The following OR10J1 variants were observed in gnomAD, a reference collection of about 807,000 sequenced individuals.
The protein encoded by OR10J1 is olfactory receptor family 10 subfamily J member 1, also known as olfactory receptor 10J1.
For missense variants in OR10J1, 474 were observed against 376.6 expected (o/e 1.26, Z -2.14); for synonymous variants, 202 against 143.8 (o/e 1.40, Z -2.89).
chr1:159,403,243 C>G, the OR10J1 span, among the ~76,000 whole-genome samples: 1 of 151,908 alleles, frequency 6.6e-6, no homozygotes, highest in Non-Finnish European at 1.5e-5. Context: ...CACAGGCAAC[C>G]AAATCAAAAG....
At chr1:159,428,713 T>G in the OR10J1 span, among the ~76,000 whole-genome samples, 2 of 152,170 alleles carry the variant, frequency 1.3e-5, no homozygotes, top group Non-Finnish European at 2.9e-5. Flanking sequence ...CTTAATAGCT[T>G]ATGAGCTCAA....
chr1:159,432,216 A>T, the OR10J1 span: 1 of 400,796 alleles, frequency 2.5e-6, no homozygotes, highest in Non-Finnish European at 4.4e-6. Context: ...GCCAAGGCCC[A>T]ATTTCATGGC....
upstream of OR10J1, among the ~76,000 whole-genome samples, chr1:159,439,196 G>A (rs971839299): frequency 2.0e-5 from 3 of 152,120 alleles, no homozygotes; most frequent in Non-Finnish European, 4.4e-5. Context: ...ATTCTTAAAG[G>A]ATGCGCAAGG....
At chr1:159,437,468 C>T (rs573979155), upstream of OR10J1, among the ~76,000 whole-genome samples, 83 of 152,030 alleles carry the variant, frequency 5.5e-4, no homozygotes, top group African/African-American at 2.0e-3. Flanking sequence ...ATATGGATTT[C>T]TAAGATACAT....
Position 159,440,417 on chromosome 1 carries a change from C to A in OR10J1, c.626C>A (p.Pro209His). The A allele has an allele frequency of 6.2e-7, 1 of 1,614,134 alleles. No homozygotes were observed. Among genetic ancestry groups the A allele is most frequent in the African/African-American group, 1.3e-5 (1 of 75,008 alleles). Residue 209 changes from proline to histidine, a missense_variant, in exon 1 of 1, where the codon CCT becomes CAT. By Grantham distance (77) the Pro-to-His change is moderately conservative (BLOSUM62 -2). Coordinates refer to ENST00000423932, the MANE Select transcript of OR10J1 (RefSeq NM_012351.3). ...ATCAGTGTGCTGGTGCTTGTTGTAC[C>A]TATGGGTCTGGTTTTCATTTCTTAT... is the stretch of plus-strand genomic sequence containing the variant. The part of the protein sequence containing the change: ...LIISVLVLVV[P>H]MGLVFISYVL...
chr1:159,402,622 A>T, the OR10J1 span, among the ~76,000 whole-genome samples: 56 of 152,238 alleles, frequency 3.7e-4, no homozygotes, highest in Middle Eastern at 3.4e-3. Context: ...GGACACCAAA[A>T]AAAGGAAAAA....
chr1:159,417,460 C>T, the OR10J1 span, among the ~76,000 whole-genome samples: 1 of 152,108 alleles, frequency 6.6e-6, no homozygotes, highest in Non-Finnish European at 1.5e-5. Context: ...TCATACTCTT[C>T]TCATAATAGT....
Position 159,440,603 on chromosome 1 carries a change from A to T in OR10J1, c.812A>T (p.Gln271Leu). 1 of 1,613,528 alleles carries T rather than the reference A, an allele frequency of 6.2e-7. No individual in the cohort carries two copies. The highest frequency in any genetic ancestry group is 8.5e-7 in the Non-Finnish European group (1 of 1,179,886). Residue 271 changes from glutamine (Q) to leucine (L), a missense_variant, in exon 1 of 1, where the codon CAG becomes CTG. By Grantham distance (113) the Gln-to-Leu change is moderately radical. Transcript: ENST00000423932. ...TCAGAGAACACCAGAGAACATGACC[A>T]GCTGATCTCGGTGACCTACACTGTC... ...PKSENTREHD[Q>L]LISVTYTVIT... is the part of the protein sequence containing the mutation.
chr1:159,435,110 A>G (rs1443073196), upstream of OR10J1, among the ~76,000 whole-genome samples: 1 of 152,164 alleles, frequency 6.6e-6, no homozygotes, highest in East Asian at 1.9e-4. Context: ...CTTATGTGGA[A>G]CTAGACCTAA....
chr1:159,432,943 A>T, upstream of OR10J1: 1 of 432,254 alleles, frequency 2.3e-6, no homozygotes, highest in East Asian at 3.3e-5. Context: ...CACACCTCAC[A>T]GTGGTCATTG....
chr1:159,432,212 G>T, the OR10J1 span: 1 of 400,730 alleles, frequency 2.5e-6, no homozygotes. Flanking sequence ...CAATGCCAAG[G>T]CCCAATTTCA....
the OR10J1 span, chr1:159,406,441 C>T: frequency 1.2e-5 from 4 of 334,940 alleles, no homozygotes; most frequent in South Asian, 6.0e-5. Context: ...TAACAGATTA[C>T]ACAGTTGTCT....
Position 159,440,706 on chromosome 1 carries a change from T to C in OR10J1, c.915T>C (p.Gly305=). The change falls in exon 1 of 1, where the codon GGT becomes GGC. Residue 305 remains glycine, a synonymous_variant. Coordinates refer to ENST00000423932, the MANE Select transcript of OR10J1 (RefSeq NM_012351.3). ...AAGATGCTCTGTGCAGGGCTGTTGG[T>C]GGGAAGTTTTCCTGACCATGTAGGA... The part of the protein sequence containing the change: ...EVKDALCRAV[G]GKFS 1 of 1,609,888 alleles carries C rather than the reference T, an allele frequency of 6.2e-7. No homozygotes were observed.
Position 159,439,820 on chromosome 1 carries a change from C to T in OR10J1, c.29C>T (p.Thr10Ile), listed in dbSNP as rs537452810. Residue 10 changes from threonine (T) to isoleucine (I), a missense_variant, in exon 1 of 1, where the codon ACT becomes ATT. Physicochemically the swap from Thr to Ile is moderately conservative, Grantham distance 89. Coordinates refer to ENST00000423932, the MANE Select transcript of OR10J1 (RefSeq NM_012351.3). MKRENFTLITDFVFQGFSSF... is the reference protein window; with the variant it reads MKRENFTLIIDFVFQGFSSF... ...AAAAGAGAGAACTTTACTCTCATCA[C>T]TGACTTTGTTTTCCAAGGTTTCTCT... 1 of 1,614,122 alleles carries T rather than the reference C, an allele frequency of 6.2e-7. No individual in the cohort carries two copies. Among genetic ancestry groups the T allele is most frequent in the African/African-American group, 1.3e-5 (1 of 75,050 alleles).
At chr1:159,426,308 G>A in the OR10J1 span, among the ~76,000 whole-genome samples, 2 of 151,742 alleles carry the variant, frequency 1.3e-5, no homozygotes, top group African/African-American at 4.8e-5. Flanking sequence ...TTTTTAAAAT[G>A]TATATTAAAA....
the OR10J1 span, among the ~76,000 whole-genome samples, chr1:159,425,261 A>G: frequency 1.3e-5 from 2 of 152,274 alleles, no homozygotes; most frequent in South Asian, 2.1e-4. Flanking sequence ...AAGCAGGGAA[A>G]CTAACACAGG....
the OR10J1 span, among the ~76,000 whole-genome samples, chr1:159,407,495 TG>T: frequency 6.6e-6 from 1 of 152,072 alleles, no homozygotes; most frequent in African/African-American, 2.4e-5. Flanking sequence ...GTACTCTAAG[TG>T]TACATAAAAT....
At chr1:159,401,994 C>T in the OR10J1 span, among the ~76,000 whole-genome samples, 1 of 151,864 alleles carries the variant, frequency 6.6e-6, no homozygotes, top group Non-Finnish European at 1.5e-5. Context: ...AGGACAAAAC[C>T]ATATGATCAT....
At chr1:159,436,372 C>T (rs955827405), upstream of OR10J1, among the ~76,000 whole-genome samples, 1 of 152,136 alleles carries the variant, frequency 6.6e-6, no homozygotes, top group Non-Finnish European at 1.5e-5. Context: ...TCTTTCCTCT[C>T]CTTTGAGCCA....
Sources: gnomAD v4.1 joint callset for allele counts (sites outside exome capture counted in the v4.1 genomes callset) on GRCh38, gnomAD v4.1.1 for gene constraint, MANE v1.5 for transcripts, NCBI Gene and HGNC (gene_info 2026-07-23, HGNC 2026-07-21) for gene names.